BAIAP2: variants seen among roughly 807,000 people sequenced by gnomAD.
The protein encoded by BAIAP2 is BAR/IMD domain-containing adapter protein 2.
In BAIAP2, 18 loss-of-function variants were observed where a neutral mutation model predicts 63.0. That is an observed-to-expected ratio of 0.29 (90% CI 0.20 to 0.42). BAIAP2 has a LOEUF of 0.42. Ranked by LOEUF, BAIAP2 falls within the 10% of genes least tolerant of loss-of-function variation. BAIAP2 has a pLI of 1.00. For synonymous variants in BAIAP2, 386 were observed against 307.6 expected, an observed-to-expected ratio of 1.25 and a Z score of -2.67; for missense variants, 610 against 734.3, an observed-to-expected ratio of 0.83 and a Z score of 1.96.
chr17:81,075,382 C>T (rs1361540744), intron 3 of BAIAP2, among the ~76,000 whole-genome samples: 16 of 152,216 alleles, frequency 1.1e-4, no homozygotes, highest in Non-Finnish European at 4.4e-5. Flanking sequence ...AGGGCATCCC[C>T]GGTTTGGCCT....
chr17:81,057,704 T>G lies in BAIAP2; in HGVS notation c.131-177T>G, dbSNP rs185315058. On this transcript the variant is annotated intron_variant, in intron 2 of 13. Coordinates refer to ENST00000428708, the MANE Select transcript of BAIAP2 (RefSeq NM_001144888.2). ...TCTCATGATTGGGGTGAAACAAGAA[T>G]ATCAACAAGAGATGGGTTCTGTCCA... is the stretch of plus-strand genomic sequence containing the variant. 175 of 1,384,296 alleles carry G rather than the reference T, an allele frequency of 1.3e-4. No homozygotes were observed. In the East Asian group the frequency reaches 4.4e-3, roughly 35 times the overall value. The allele number at this position is 1,384,296 out of a possible 1,614,324, so 85.8% of individuals were successfully genotyped here. A position where few individuals can be genotyped will look rare whatever the true frequency, so the allele number is the denominator to read the frequency against.
chr17:81,058,209 T>G (rs1405366179), intron 3 of BAIAP2, among the ~76,000 whole-genome samples: 15 of 152,106 alleles, frequency 9.9e-5, no homozygotes, highest in Admixed American at 3.9e-4. Context: ...CAAACCCACG[T>G]TTAAAAGTGT....
chr17:81,038,681 G>C (rs950746085), intron 1 of BAIAP2, among the ~76,000 whole-genome samples: 4 of 152,268 alleles, frequency 2.6e-5, no homozygotes, highest in Non-Finnish European at 4.4e-5. Context: ...GCTGGCGCCA[G>C]GTGGTGGGCG....
intron 3 of BAIAP2, among the ~76,000 whole-genome samples, chr17:81,070,431 AAATGTGG>A (rs1486036387): frequency 6.6e-6 from 1 of 152,194 alleles, no homozygotes; most frequent in East Asian, 1.9e-4. Context: ...AGGGAGGTGG[AAATGTGG>A]AAAGAAACCC....
chr17:81,109,050 C>G (rs1266456271), intron 13 of BAIAP2: 2 of 1,520,032 alleles, frequency 1.3e-6, no homozygotes, highest in African/African-American at 1.4e-5. Context: ...CGCCTTCCCC[C>G]TGGTCTCGTC....
intron 1 of BAIAP2, among the ~76,000 whole-genome samples, chr17:81,050,735 A>G (rs935926575): frequency 2.6e-4 from 34 of 132,442 alleles, no homozygotes; most frequent in Non-Finnish European, 3.2e-4. Flanking sequence ...AAATGTGCAC[A>G]TGCACACGTG....
In BAIAP2 at chr17:81,102,106, C is replaced by T. The variant is rs1010423258; in HGVS notation, c.643-1396C>T. On this transcript the variant is annotated intron_variant, in intron 7 of 13. Coordinates refer to ENST00000428708, the MANE Select transcript of BAIAP2 (RefSeq NM_001144888.2). ...GTGGCAGCAGCTGACCTCCTGGGCT[C>T]GTGGGCCCCCGGGCGTGTGTGGAAG... is the stretch of plus-strand genomic sequence containing the variant. 2.7e-5 allele frequency among the ~76,000 whole-genome samples: 4 copies of T among 150,696 alleles called. No homozygotes were observed. In the East Asian group the frequency reaches 5.8e-4, roughly 22 times the overall value.
rs2047875711 is a variant in BAIAP2, at chr17:81,046,769, T to C, written c.55-6899T>C. ...ACATGTGGCCGGGGGTTTCCAGGCT[T>C]GGCTCTGTCCCGTGCGCCCTTCCCT... On this transcript the variant is annotated intron_variant, in intron 1 of 13. Transcript: ENST00000428708. The surrounding 1 kb of genome is among the most constrained non-coding windows in gnomAD (Gnocchi z 4.5). 6.6e-6 allele frequency among the ~76,000 whole-genome samples: 1 copy of C among 151,936 alleles called. No individual in the cohort carries two copies. Among genetic ancestry groups the C allele is most frequent in the Non-Finnish European group, 1.5e-5 (1 of 67,976 alleles).
chr17:81,052,006 A>G (rs928883071), intron 1 of BAIAP2, among the ~76,000 whole-genome samples: 6 of 152,190 alleles, frequency 3.9e-5, no homozygotes, highest in Non-Finnish European at 7.3e-5. Flanking sequence ...AATCTCTTAA[A>G]TGTAGCTGGC....
chr17:81,099,431 G>A (rs2058190133), intron 6 of BAIAP2, among the ~76,000 whole-genome samples: 1 of 90,932 alleles, frequency 1.1e-5, no homozygotes, highest in South Asian at 4.4e-4. Flanking sequence ...TCGTGCTGGG[G>A]CTGAGATGGC....
intron 13 of BAIAP2, chr17:81,111,034 G>C: frequency 6.3e-7 from 1 of 1,576,634 alleles, no homozygotes. Flanking sequence ...CCTCAGTCAC[G>C]CAGCCTGGGT....
At chr17:81,114,320 G>T (rs1449296569) in intron 13 of BAIAP2, among the ~76,000 whole-genome samples, 1 of 152,004 alleles carries the variant, frequency 6.6e-6, no homozygotes, top group Non-Finnish European at 1.5e-5. Flanking sequence ...CCCTGGGCCT[G>T]CGGAGGAACT....
chr17:81,084,747 G>A (rs112112523), intron 3 of BAIAP2, 85 bp from the exon 4 acceptor site: 203 of 1,378,284 alleles, frequency 1.5e-4, no homozygotes, highest in Admixed American at 2.9e-4. Flanking sequence ...GGCTTCCCTG[G>A]GTGGCTGTCA....
At chr17:81,075,480 C>T (rs1305964685) in intron 3 of BAIAP2, among the ~76,000 whole-genome samples, 11 of 152,194 alleles carry the variant, frequency 7.2e-5, no homozygotes, top group Admixed American at 1.3e-4. Flanking sequence ...TCCTGTGGGC[C>T]GCTTGCATGC....
At chr17:81,035,804 C>T (rs1044479878) in intron 1 of BAIAP2, among the ~76,000 whole-genome samples, 35 of 152,170 alleles carry the variant, frequency 2.3e-4, no homozygotes, top group African/African-American at 8.2e-4. Flanking sequence ...CGTGGGGCTC[C>T]TCCAGGCGCG....
At chr17:81,089,132 C>T (rs1290642634) in intron 6 of BAIAP2, among the ~76,000 whole-genome samples, 2 of 152,272 alleles carry the variant, frequency 1.3e-5, no homozygotes, top group Non-Finnish European at 2.9e-5. Context: ...CTCCTCAAGC[C>T]CATCCCACAC....
At position 81,046,781 on chromosome 17, in the gene BAIAP2, G is replaced by A. The variant is rs931582095; in HGVS notation, c.55-6887G>A. 3.3e-5 allele frequency among the ~76,000 whole-genome samples: 5 copies of A among 152,138 alleles called. No homozygotes were observed. The highest frequency in any genetic ancestry group is 1.9e-4 in the East Asian group (1 of 5,164). On this transcript the variant is annotated intron_variant, in intron 1 of 13. Coordinates refer to ENST00000428708, the MANE Select transcript of BAIAP2 (RefSeq NM_001144888.2). The surrounding 1 kb of genome is among the most constrained non-coding windows in gnomAD (Gnocchi z 4.5). ...GGGTTTCCAGGCTTGGCTCTGTCCC[G>A]TGCGCCCTTCCCTGGAGCCTGGCAT...
chr17:81,105,974 C>T (rs1322316844), intron 10 of BAIAP2, 104 bp from the exon 11 acceptor site: 7 of 982,594 alleles, frequency 7.1e-6, no homozygotes, highest in Admixed American at 2.2e-5. Flanking sequence ...GACAGCCGCG[C>T]AGCCATGCTG....
intron 1 of BAIAP2, among the ~76,000 whole-genome samples, chr17:81,037,721 T>C (rs1035314138): frequency 4.5e-4 from 69 of 152,368 alleles, no homozygotes; most frequent in African/African-American, 1.6e-3. Flanking sequence ...ACGGCTGTGC[T>C]GTGGCCTGCT....
Sources: gnomAD v4.1 joint callset for allele counts (sites outside exome capture counted in the v4.1 genomes callset) on GRCh38, gnomAD v4.1.1 for gene constraint, Gnocchi (gnomAD v3.1) non-coding constraint, MANE v1.5 for transcripts, NCBI Gene and HGNC (gene_info 2026-07-23, HGNC 2026-07-21) for gene names.